Variants in RFX7 observed in about 807,000 individuals in gnomAD.
RFX7 encodes DNA-binding protein RFX7.
RFX7 carries 26 observed loss-of-function variants against 111.8 expected under a neutral mutation model. The observed-to-expected ratio is 0.23, with a 90% confidence interval of 0.17 to 0.32. RFX7 has a LOEUF of 0.32. Among genes scored for constraint, RFX7 ranks in the 10% least tolerant of loss-of-function variants. RFX7 has a pLI of 1.00. For synonymous variants in RFX7, 624 were observed against 624.4 expected (o/e 1.00, Z 0.01); for missense variants, 1,573 against 1,772.9 (o/e 0.89, Z 2.02).
intron 2 of RFX7, among the ~76,000 whole-genome samples, chr15:56,210,413 C>A (rs80123294): frequency 6.6e-6 from 1 of 152,022 alleles, no homozygotes; most frequent in African/African-American, 2.4e-5. Flanking sequence ...ACAGGTCCAA[C>A]TGGTATGAAA....
intron 2 of RFX7, chr15:56,189,688 A>G (rs1036487341): frequency 6.6e-6 from 1 of 152,200 alleles, no homozygotes; most frequent in Non-Finnish European, 1.5e-5. Flanking sequence ...AATCGCAACA[A>G]TACACCAGTA....
chr15:56,147,444 C>A (rs1381764511), intron 3 of RFX7, among the ~76,000 whole-genome samples: 3 of 152,270 alleles, frequency 2.0e-5, no homozygotes, highest in South Asian at 4.1e-4. Flanking sequence ...TTAAAGGGTA[C>A]TGAGTTTCCT....
In RFX7 at chr15:56,243,295, GGGGTGGGAGGGA is replaced by G; in HGVS notation, c.-2-20_-2-9del. On this transcript the variant is annotated splice_polypyrimidine_tract_variant and intron_variant, in intron 1 of 9. Coordinates refer to ENST00000559447, the MANE Select transcript of RFX7 (RefSeq NM_022841.7). ...GTTGTTCCTCTGCCATCGCTGCAGA[GGGGTGGGAGGGA>G]GGGAGGGAAAGATGGGGGCGCGGGG... 8.4e-7 allele frequency: 1 copy of G among 1,187,684 alleles called. No homozygotes were observed. The highest frequency in any genetic ancestry group is 1.1e-6 in the Non-Finnish European group (1 of 925,606). The allele number at this position is 1,187,684 out of a possible 1,614,324, so 73.6% of individuals were successfully genotyped here.
In RFX7 at chr15:56,098,310, T is replaced by A. The variant is rs2041709244; in HGVS notation, c.878A>T (p.Gln293Leu). The A allele has an allele frequency of 6.2e-7, 1 of 1,613,448 alleles. No individual in the cohort carries two copies. Residue 293 changes from glutamine to leucine, a missense_variant, in exon 9 of 10, where the codon CAG (glutamine) becomes CTG (leucine). This residue lies in a region of RFX7 where 288 missense variants were observed against 337.9 expected (regional missense o/e 0.85). Coordinates refer to ENST00000559447, the MANE Select transcript of RFX7 (RefSeq NM_022841.7). ...PTAESNSFQP[Q>L]VKTLPSPIDA... ...AATTGGAGATGGCAAAGTCTTCACC[T>A]GAGGCTGAAAGGAATTACTTTCAGC... is the stretch of plus-strand genomic sequence containing the variant.
At chr15:56,243,050 CCCGCCG>C in intron 2 of RFX7, 69 bp downstream of exon 2, 2 of 645,598 alleles carry the variant, frequency 3.1e-6, no homozygotes, top group Non-Finnish European at 5.1e-6. Context: ...GCTCCCCCCG[CCCGCCG>C]CCCCCCACCC....
Position 56,098,352 on chromosome 15 carries a change from G to T in RFX7, c.836C>A (p.Ser279Tyr). ...PAGMKGITQP[S>Y]AFIPTAESNS... Reference sequence around the variant, plus strand: ...ACTTTCAGCTGTAGGTATAAAAGCAGAAGGCTGGGTAATTCCTTTCATTCC... The same window carrying T: ...ACTTTCAGCTGTAGGTATAAAAGCATAAGGCTGGGTAATTCCTTTCATTCC... Residue 279 changes from serine (S) to tyrosine (Y), a missense_variant, in exon 9 of 10, where the codon TCT becomes TAT. Ser to Tyr is a moderately radical substitution (Grantham distance 144). Transcript: ENST00000559447. 6.2e-7 allele frequency: 1 copy of T among 1,604,806 alleles called. No homozygotes were observed. Among genetic ancestry groups the T allele is most frequent in the African/African-American group, 1.3e-5 (1 of 74,960 alleles).
At position 56,095,176 on chromosome 15, in the gene RFX7, G is replaced by A. The variant is rs747202421; in HGVS notation, c.2552C>T (p.Ser851Phe). Reference protein sequence around the residue: ...ESSLNQIQAHSSDQLPLQSEL... With the variant: ...ESSLNQIQAHFSDQLPLQSEL... ...AGATTGCAGAGGTAACTGATCTGAA[G>A]AATGTGCTTGTATTTGATTTAAAGA... The change falls in exon 10 of 10, where the codon TCT becomes TTT. Residue 851 changes from serine (S) to phenylalanine (F), a missense_variant. This residue lies in a region of RFX7 where 625 missense variants were observed against 632.2 expected (regional missense o/e 0.99). Transcript: ENST00000559447. 4 of 1,613,966 alleles carry A rather than the reference G, an allele frequency of 2.5e-6. No individual in the cohort carries two copies. The highest frequency in any genetic ancestry group is 3.4e-6 in the Non-Finnish European group (4 of 1,179,872).
At chr15:56,128,056 C>T (rs538537506) in intron 5 of RFX7, among the ~76,000 whole-genome samples, 26 of 152,146 alleles carry the variant, frequency 1.7e-4, no homozygotes, top group African/African-American at 5.5e-4. Context: ...TCTAGAAGAA[C>T]ACAAACTATC....
intron 5 of RFX7, among the ~76,000 whole-genome samples, chr15:56,104,258 T>TAAGA (rs1157561376): frequency 2.0e-5 from 3 of 152,204 alleles, no homozygotes; most frequent in African/African-American, 7.2e-5. Flanking sequence ...AGTTACTTTG[T>TAAGA]AAGACAGTAA....
At chr15:56,104,942 T>A (rs552891294) in intron 5 of RFX7, among the ~76,000 whole-genome samples, 71 of 152,280 alleles carry the variant, frequency 4.7e-4, no homozygotes, top group Middle Eastern at 3.4e-3. Context: ...ATTTGATACT[T>A]TGAGGGCTCA....
intron 5 of RFX7, among the ~76,000 whole-genome samples, chr15:56,115,381 T>C (rs1298900052): frequency 1.3e-5 from 2 of 152,172 alleles, no homozygotes; most frequent in Non-Finnish European, 2.9e-5. Context: ...ATATGAAATA[T>C]CCACAGTACA....
intron 9 of RFX7, among the ~76,000 whole-genome samples, chr15:56,097,625 T>C (rs1366506408): frequency 2.6e-5 from 4 of 151,280 alleles, no homozygotes; most frequent in Non-Finnish European, 5.9e-5. Context: ...TGAGTACCTG[T>C]AATCCCAGTT....
At chr15:56,233,835 A>G (rs536379786) in intron 2 of RFX7, among the ~76,000 whole-genome samples, 91 of 152,186 alleles carry the variant, frequency 6.0e-4, no homozygotes, top group African/African-American at 2.2e-3. Flanking sequence ...CTTCTCTACT[A>G]TTACTTTATA....
At chr15:56,189,891 A>G (rs919410670) in intron 2 of RFX7, 2 of 152,254 alleles carry the variant, frequency 1.3e-5, no homozygotes, top group Admixed American at 6.5e-5. Context: ...GATGTTGAAG[A>G]AAAAGAATGT....
chr15:56,183,336 CTTAT>C (rs1380326173), intron 2 of RFX7, among the ~76,000 whole-genome samples: 2 of 151,664 alleles, frequency 1.3e-5, no homozygotes, highest in Non-Finnish European at 2.9e-5. Context: ...ATTTTTATGT[CTTAT>C]TTAAGAAATC....
chr15:56,165,360 G>A (rs1428768615), intron 3 of RFX7, among the ~76,000 whole-genome samples: 3 of 152,126 alleles, frequency 2.0e-5, no homozygotes, highest in Non-Finnish European at 4.4e-5. Context: ...TTCTCCCCTG[G>A]AAGGAACCTG....
rs575229041 is a variant in RFX7, at chr15:56,129,523, G to GA, written c.401+13254dup. Among the ~76,000 whole-genome samples the GA allele has an allele frequency of 1.2e-3, 183 of 152,116 alleles. 1 individual carries two copies. Among genetic ancestry groups the GA allele is most frequent in the African/African-American group, 4.1e-3 (170 of 41,470 alleles). On this transcript the variant is annotated intron_variant, in intron 5 of 9. Coordinates refer to ENST00000559447, the MANE Select transcript of RFX7 (RefSeq NM_022841.7). ...TATCCACAACTTACAAATGGTATAGGAAAAAAACTGTTGAACCTATGTGAA... is the reference window on the plus strand; with the variant it reads ...TATCCACAACTTACAAATGGTATAGGAAAAAAAACTGTTGAACCTATGTGAA...
At chr15:56,140,437 C>T (rs959615744) in intron 5 of RFX7, among the ~76,000 whole-genome samples, 5 of 152,198 alleles carry the variant, frequency 3.3e-5, no homozygotes, top group Admixed American at 6.5e-5. Context: ...TGACCCCTTG[C>T]GCTTCCCAAG....
At chr15:56,237,374 T>C (rs1320448666) in intron 2 of RFX7, among the ~76,000 whole-genome samples, 1 of 152,230 alleles carries the variant, frequency 6.6e-6, no homozygotes, top group Non-Finnish European at 1.5e-5. Context: ...TGGCATACTT[T>C]GTATATAGCA....
Sources: allele counts gnomAD v4.1 joint callset (sites outside exome capture counted in the v4.1 genomes callset), GRCh38; gene constraint gnomAD v4.1.1; regional missense constraint gnomAD v4.1.1; transcripts MANE v1.5; gene names NCBI Gene and HGNC (gene_info 2026-07-23, HGNC 2026-07-21).